The following CCAR1 variants were observed in gnomAD, a reference collection of about 807,000 sequenced individuals.
CCAR1 encodes the protein cell division cycle and apoptosis regulator protein 1.
CCAR1 carries 78 observed loss-of-function variants against 163.8 expected under a neutral mutation model. The observed-to-expected ratio is 0.48, with a 90% CI of 0.40 to 0.57. CCAR1 has a LOEUF of 0.57. CCAR1 is among the 20% of genes least tolerant of loss of function. The pLI is 0.00. For missense variants in CCAR1, 1,019 were observed against 1,365.2 expected (o/e 0.75, Z 4.00); for synonymous variants, 443 against 460.7 (o/e 0.96, Z 0.49).
intron 21 of CCAR1, 75 bp downstream of exon 21, chr10:68,786,767 C>T: frequency 1.6e-6 from 2 of 1,282,820 alleles, no homozygotes; most frequent in Non-Finnish European, 2.2e-6. Flanking sequence ...TTAATAGAAC[C>T]TCTGTTGACT....
chr10:68,772,515 T>A (rs544896740), intron 18 of CCAR1, among the ~76,000 whole-genome samples: 1 of 151,664 alleles, frequency 6.6e-6, no homozygotes, highest in Non-Finnish European at 1.5e-5. Flanking sequence ...TAATTTGCAA[T>A]GTAAAACTTT....
At chr10:68,771,539 C>T (rs1246166106) in intron 18 of CCAR1, 94 bp downstream of exon 18, 83 of 1,137,730 alleles carry the variant, frequency 7.3e-5, no homozygotes, top group Non-Finnish European at 9.9e-5. Flanking sequence ...GATGTAAAAG[C>T]CAAACTGAAA....
intron 19 of CCAR1, 97 bp downstream of exon 19, chr10:68,773,196 T>C: frequency 1.5e-6 from 1 of 648,226 alleles, no homozygotes; most frequent in Non-Finnish European, 2.6e-6. Context: ...TAACATTTTT[T>C]TCTTTAGAAT....
intron 2 of CCAR1, among the ~76,000 whole-genome samples, chr10:68,726,113 TAAAAA>T (rs747643778): frequency 1.1e-5 from 1 of 93,644 alleles, no homozygotes; most frequent in Non-Finnish European, 2.2e-5. Flanking sequence ...GACCCTGTCC[TAAAAA>T]AAAAAAAAAA....
chr10:68,749,373 A>C (rs2056301614), intron 9 of CCAR1, 108 bp downstream of exon 9: 6 of 1,301,588 alleles, frequency 4.6e-6, no homozygotes, highest in Non-Finnish European at 6.2e-6. Context: ...AAAATGGTAA[A>C]TTTTATGTTA....
rs2056307828 is a variant in CCAR1 at position 68,749,835 on chromosome 10, A to G, written c.1118+150A>G. On this transcript the variant is annotated intron_variant, in intron 10 of 24. Coordinates refer to ENST00000265872, the MANE Select transcript of CCAR1 (RefSeq NM_018237.4). ...CAGAAATGCAATTTGAAATAACTTA[A>G]TTATCTACAATGCTGCATTATTTTT... The G allele has an allele frequency of 4.5e-6, 3 of 661,518 alleles. No individual in the cohort carries two copies. The Admixed American group carries it at 7.9e-5, about 18-fold the overall frequency. The allele number at this position is 661,518 out of a possible 1,614,324, so 41.0% of individuals were successfully genotyped here.
intron 2 of CCAR1, among the ~76,000 whole-genome samples, chr10:68,735,993 C>T (rs1262015719): frequency 1.3e-5 from 2 of 152,074 alleles, no homozygotes; most frequent in African/African-American, 4.8e-5. Context: ...GCTGGTACTA[C>T]AGGCGTGTGT....
chr10:68,721,670 G>C (rs2055859660), intron 1 of CCAR1: 1 of 414,380 alleles, frequency 2.4e-6, no homozygotes, highest in Non-Finnish European at 4.9e-6. Context: ...CTCCGTGCGT[G>C]GTAAACGAGC....
chr10:68,754,378 T>C (rs1299132319), intron 11 of CCAR1, among the ~76,000 whole-genome samples: 1 of 152,364 alleles, frequency 6.6e-6, no homozygotes, highest in East Asian at 1.9e-4. Flanking sequence ...TAAAACTTAA[T>C]GTTAGATGAA....
At chr10:68,749,470 G>T in intron 9 of CCAR1, 54 bp from the exon 10 acceptor site, 1 of 1,465,246 alleles carries the variant, frequency 6.8e-7, no homozygotes, top group South Asian at 1.2e-5. Context: ...CTTCATTGAA[G>T]AGCTTTTCCA....
rs187505312 is a variant in CCAR1, at chr10:68,773,895, T to G, written c.2650+796T>G. 4.1e-3 allele frequency among the ~76,000 whole-genome samples: 627 copies of G among 152,038 alleles called. 5 individuals are homozygous for G. Among genetic ancestry groups the G allele is most frequent in the African/African-American group, 0.014 (589 of 41,480 alleles). On this transcript the variant is annotated intron_variant, in intron 19 of 24. Transcript: ENST00000265872. ...TCCTGGCTAATTTTTAAATTTTTTT[T>G]TTGTTGTTTTTTTTTCAGACGGAGT...
intron 8 of CCAR1, among the ~76,000 whole-genome samples, chr10:68,748,053 C>A (rs1465129695): frequency 6.6e-6 from 1 of 152,106 alleles, no homozygotes. Context: ...AGGGTTTCAC[C>A]ACGTTGGCCA....
chr10:68,778,600 C>T (rs1410807116), intron 19 of CCAR1, among the ~76,000 whole-genome samples: 1 of 151,918 alleles, frequency 6.6e-6, no homozygotes, highest in Non-Finnish European at 1.5e-5. Context: ...TTGCCTGTCT[C>T]CCTCTACCCC....
At chr10:68,729,255 G>GT (rs1161694060) in intron 2 of CCAR1, among the ~76,000 whole-genome samples, 93 of 149,194 alleles carry the variant, frequency 6.2e-4, no homozygotes, top group African/African-American at 2.1e-3. Flanking sequence ...ACTCTTTTTT[G>GT]TTTTTTTGGG....
chr10:68,760,812 C>T (rs568063702), intron 15 of CCAR1, 195 bp from the exon 16 acceptor site: 6 of 340,696 alleles, frequency 1.8e-5, no homozygotes, highest in East Asian at 5.0e-5. Context: ...TGTGGTAAGC[C>T]GAGATCACGC....
intron 19 of CCAR1, among the ~76,000 whole-genome samples, chr10:68,779,109 C>T (rs2056703230): frequency 6.6e-6 from 1 of 152,114 alleles, no homozygotes; most frequent in African/African-American, 2.4e-5. Context: ...TCTCAGAGTG[C>T]TGGGATTACA....
chr10:68,788,394 G>A (rs1034697719), intron 23 of CCAR1, 66 bp downstream of exon 23: 7 of 1,125,242 alleles, frequency 6.2e-6, no homozygotes, highest in Admixed American at 2.8e-5. Flanking sequence ...ATGTTTATGT[G>A]TGTACATACA....
At chr10:68,758,662 T>G (rs1366102223) in intron 15 of CCAR1, among the ~76,000 whole-genome samples, 1 of 14,618 alleles carries the variant, frequency 6.8e-5, no homozygotes, top group Admixed American at 8.7e-4. Context: ...TATATATATA[T>G]GTATATATAC....
intron 19 of CCAR1, among the ~76,000 whole-genome samples, chr10:68,785,691 A>C (rs77940825): frequency 6.6e-6 from 1 of 152,174 alleles, no homozygotes; most frequent in Non-Finnish European, 1.5e-5. Context: ...CCATCACCAC[A>C]ATTAACTATA....
Sources: gnomAD v4.1 joint callset for allele counts (sites outside exome capture counted in the v4.1 genomes callset) on GRCh38, gnomAD v4.1.1 for gene constraint, MANE v1.5 for transcripts, NCBI Gene and HGNC (gene_info 2026-07-23, HGNC 2026-07-21) for gene names.